The following INTS10 variants were observed in gnomAD, a reference collection of about 807,000 sequenced individuals.
INTS10 encodes the protein integrator complex subunit 10.
In INTS10, 44 loss-of-function variants were observed where a neutral mutation model predicts 94.4. That is an observed-to-expected ratio of 0.47 (90% CI 0.37 to 0.60). INTS10 has a LOEUF of 0.60. Ranked by LOEUF, INTS10 falls within the 20% of genes least tolerant of loss-of-function variation. The pLI, the probability that INTS10 is intolerant of heterozygous loss-of-function variation, is 0.00. For synonymous variants in INTS10, 341 were observed against 320.7 expected (o/e 1.06, Z -0.68); for missense variants, 797 against 868.7 (o/e 0.92, Z 1.04).
At chr8:19,827,837 C>T (rs2066922037) in intron 9 of INTS10, among the ~76,000 whole-genome samples, 1 of 152,108 alleles carries the variant, frequency 6.6e-6, no homozygotes, top group African/African-American at 2.4e-5. Context: ...AGGTCCAGAC[C>T]TTAAAGGCCC....
At chr8:19,829,706 T>C (rs1256202947) in intron 9 of INTS10, among the ~76,000 whole-genome samples, 2 of 152,214 alleles carry the variant, frequency 1.3e-5, no homozygotes, top group African/African-American at 4.8e-5. Context: ...TCTTGCTCTG[T>C]CGCCCAGGCT....
chr8:19,844,884 A>G (rs1355967678), intron 15 of INTS10, among the ~76,000 whole-genome samples: 3 of 152,120 alleles, frequency 2.0e-5, no homozygotes, highest in Non-Finnish European at 4.4e-5. Context: ...TGCTCAGAGC[A>G]ATAGTTTTTA....
chr8:19,827,170 G>A (rs1020651648), intron 9 of INTS10, among the ~76,000 whole-genome samples: 7 of 152,140 alleles, frequency 4.6e-5, no homozygotes, highest in Admixed American at 3.3e-4. Context: ...GTGAAGAATC[G>A]TCAGTCCTCT....
chr8:19,822,474 T>C lies in INTS10; in HGVS notation c.477T>C (p.Thr159=). The C allele has an allele frequency of 6.2e-7, 1 of 1,612,538 alleles. No individual in the cohort carries two copies. Among genetic ancestry groups the C allele is most frequent in the Non-Finnish European group, 8.5e-7 (1 of 1,178,646 alleles). The change falls in exon 5 of 17, where the codon ACT becomes ACC. Residue 159 remains threonine, a synonymous_variant. Coordinates refer to ENST00000397977, the MANE Select transcript of INTS10 (RefSeq NM_018142.4). ...GLGEALLEAE[T]IEEQESPVNC... is the part of the protein sequence containing the mutation. Reference sequence around the variant, plus strand: ...GGGAGGCACTATTAGAGGCTGAAACTATTGAAGAACAAGAATCTCCAGTGA... The same window carrying C: ...GGGAGGCACTATTAGAGGCTGAAACCATTGAAGAACAAGAATCTCCAGTGA...
At position 19,817,462 on chromosome 8, in the gene INTS10, G is replaced by GGCGGT; in HGVS notation, c.-74_-73insGGTGC. On this transcript the variant is annotated 5_prime_UTR_variant, in exon 1 of 17. An upstream open reading frame in the 5' UTR loses its in-frame stop. Coordinates refer to ENST00000397977, the MANE Select transcript of INTS10 (RefSeq NM_018142.4). The stretch of plus-strand genomic sequence containing the variant: ...CCGCGGTGGCGGCGGCGGCGGCGGT[G>GGCGGT]GCTGCCGTGGCGGCTGAGAGTCCAG... The GGCGGT allele has an allele frequency of 6.5e-7, 1 of 1,539,492 alleles. No individual in the cohort carries two copies. Among genetic ancestry groups the GGCGGT allele is most frequent in the Non-Finnish European group, 8.7e-7 (1 of 1,146,720 alleles).
intron 13 of INTS10, among the ~76,000 whole-genome samples, chr8:19,840,100 G>A (rs558890141): frequency 2.1e-5 from 3 of 142,828 alleles, no homozygotes; most frequent in South Asian, 2.2e-4. Flanking sequence ...ATTCCAAGAC[G>A]TTTTAGTGTA....
In INTS10 at chr8:19,833,221, G is replaced by A; in HGVS notation, c.1430G>A (p.Gly477Glu). 6.2e-7 allele frequency: 1 copy of A among 1,612,770 alleles called. No individual in the cohort carries two copies. The highest frequency in any genetic ancestry group is 1.1e-5 in the South Asian group (1 of 90,964). The stretch of plus-strand genomic sequence containing the variant: ...CTGCATCACTTAGCAGCTCTCCAGG[G>A]ATCCATTTCTCAGCCACAGATCACA... ...ASLHHLAALQ[G>E]SISQPQITGQ... Residue 477 changes from glycine to glutamate, a missense_variant, in exon 12 of 17, where the codon GGA (glycine) becomes GAA (glutamate). Gly to Glu is a moderately conservative substitution (Grantham distance 98, BLOSUM62 -2). Around this residue, in one of 3 missense-constraint regions of INTS10, gnomAD observed 734 missense variants for 787.8 expected, o/e 0.93. Coordinates refer to ENST00000397977, the MANE Select transcript of INTS10 (RefSeq NM_018142.4).
At chr8:19,844,538 G>T (rs1436914174) in intron 15 of INTS10, among the ~76,000 whole-genome samples, 1 of 152,176 alleles carries the variant, frequency 6.6e-6, no homozygotes, top group Admixed American at 6.5e-5. Context: ...GGTCCAGCTT[G>T]CCCGGTTTAG....
intron 13 of INTS10, among the ~76,000 whole-genome samples, chr8:19,839,985 T>A (rs1392403062): frequency 7.0e-6 from 1 of 141,860 alleles, no homozygotes; most frequent in Non-Finnish European, 1.5e-5. Context: ...ATCACTTGAA[T>A]CTGGGAGGTG....
Position 19,817,574 on chromosome 8 carries a change from C to G in INTS10, c.37C>G (p.Arg13Gly). 1 of 1,608,752 alleles carries G rather than the reference C, an allele frequency of 6.2e-7. No homozygotes were observed. The highest frequency in any genetic ancestry group is 8.5e-7 in the Non-Finnish European group (1 of 1,178,286). Reference sequence around the variant, plus strand: ...GGGGGACTGCGAGTTCCTGGTGCAGCGAGCCCGGGAGTTGGTGCCGCAAGA... The same window carrying G: ...GGGGGACTGCGAGTTCCTGGTGCAGGGAGCCCGGGAGTTGGTGCCGCAAGA... ...AQGDCEFLVQ[R>G]ARELVPQDLW... Residue 13 changes from arginine (R) to glycine (G), a missense_variant, in exon 1 of 17, where the codon CGA becomes GGA. Physicochemically the swap from Arg to Gly is moderately radical, Grantham distance 125. This residue lies in a region of INTS10 where 734 missense variants were observed against 787.8 expected (regional missense o/e 0.93). Coordinates refer to ENST00000397977, the MANE Select transcript of INTS10 (RefSeq NM_018142.4).
rs549241946 is a variant in INTS10 at position 19,844,225 on chromosome 8, C to T, written c.1869C>T (p.Phe623=). The T allele has an allele frequency of 3.5e-5, 57 of 1,608,288 alleles. No homozygotes were observed. The East Asian group carries it at 1.2e-3, about 33-fold the overall frequency. Residue 623 remains phenylalanine (F), a synonymous_variant, in exon 15 of 17, where the codon TTC becomes TTT. Coordinates refer to ENST00000397977, the MANE Select transcript of INTS10 (RefSeq NM_018142.4). The part of the protein sequence containing the change: ...QQGNFQYENF[F]NYVTNIDMLE... The stretch of plus-strand genomic sequence containing the variant: ...GAAATTTCCAATATGAGAATTTTTT[C>T]AATTACGTTACAAGTATCCTTTTTT...
At chr8:19,847,199 A>G (rs923448335) in intron 16 of INTS10, among the ~76,000 whole-genome samples, 1 of 152,224 alleles carries the variant, frequency 6.6e-6, no homozygotes. Flanking sequence ...CCTTCATCTT[A>G]TAAGTGTTAT....
rs1212265077 is a variant in INTS10, at chr8:19,832,033, A to G, written c.1300A>G (p.Thr434Ala). The G allele has an allele frequency of 6.3e-7, 1 of 1,593,620 alleles. No individual in the cohort carries two copies. Among genetic ancestry groups the G allele is most frequent in the African/African-American group, 1.3e-5 (1 of 74,654 alleles). The change falls in exon 11 of 17, where the codon ACA (threonine) becomes GCA (alanine). Residue 434 changes from threonine to alanine, a missense_variant. Around this residue, in one of 3 missense-constraint regions of INTS10, gnomAD observed 734 missense variants for 787.8 expected, o/e 0.93. Transcript: ENST00000397977. ...YSLEFLDKEF[T>A]RICLAWKTDT... ...GTTCTTGAATTCTTACTCAGAATTT[A>G]CAAGGATTTGCTTGGCCTGGAAGAC... is the stretch of plus-strand genomic sequence containing the variant.
At position 19,851,017 on chromosome 8, in the gene INTS10, C is replaced by T. The variant is rs1462311136; in HGVS notation, c.1977-632C>T. Among the ~76,000 whole-genome samples the T allele has an allele frequency of 1.3e-5, 2 of 152,188 alleles. No individual in the cohort carries two copies. The highest frequency in any genetic ancestry group is 2.9e-5 in the Non-Finnish European group (2 of 68,038). On this transcript the variant is annotated intron_variant, in intron 16 of 16. Coordinates refer to ENST00000397977, the MANE Select transcript of INTS10 (RefSeq NM_018142.4). The surrounding 1 kb of genome is among the most constrained non-coding windows in gnomAD (Gnocchi z 5.0). Reference sequence around the variant, plus strand: ...TCTCTCTCCTGACCTGTGCCACATTCTTGTGTCAGGACCCCACCTCCCGCT... The same window carrying T: ...TCTCTCTCCTGACCTGTGCCACATTTTTGTGTCAGGACCCCACCTCCCGCT...
chr8:19,822,455 C>T lies in INTS10; in HGVS notation c.458C>T (p.Ala153Val). The change falls in exon 5 of 17, where the codon GCA (alanine) becomes GTA (valine). Residue 153 changes from alanine (A) to valine (V), a missense_variant. Around this residue, in one of 3 missense-constraint regions of INTS10, gnomAD observed 734 missense variants for 787.8 expected, o/e 0.93. Coordinates refer to ENST00000397977, the MANE Select transcript of INTS10 (RefSeq NM_018142.4). The part of the protein sequence containing the change: ...VVQHGVGLGE[A>V]LLEAETIEEQ... ...TTGAAATAGGTTGGCCTTGGGGAGG[C>T]ACTATTAGAGGCTGAAACTATTGAA... The T allele has an allele frequency of 1.2e-6, 2 of 1,609,158 alleles. No individual in the cohort carries two copies. The highest frequency in any genetic ancestry group is 1.7e-6 in the Non-Finnish European group (2 of 1,175,876).
chr8:19,819,776 T>C (rs2066224801), intron 3 of INTS10, 100 bp downstream of exon 3: 1 of 837,200 alleles, frequency 1.2e-6, no homozygotes, highest in Non-Finnish European at 1.9e-6. Context: ...GGTAACCATA[T>C]GTATGTTTTA....
chr8:19,831,122 C>G (rs1047084785), intron 10 of INTS10, among the ~76,000 whole-genome samples: 2 of 152,172 alleles, frequency 1.3e-5, no homozygotes, highest in African/African-American at 2.4e-5. Flanking sequence ...TCTTACTACA[C>G]TTTGGAATCG....
chr8:19,826,157 G>A (rs2410614), intron 8 of INTS10, among the ~76,000 whole-genome samples: 107,479 of 151,900 alleles, frequency 0.71, 38,113 homozygotes, highest in Non-Finnish European at 0.74. Flanking sequence ...TCGGCTCACT[G>A]CAACCTCCGC....
chr8:19,849,990 GCATATGC>G lies in INTS10; in HGVS notation c.1977-1657_1977-1651del, dbSNP rs1275307890. On this transcript the variant is annotated intron_variant, in intron 16 of 16. Transcript: ENST00000397977. The surrounding 1 kb of genome is among the most constrained non-coding windows in gnomAD (Gnocchi z 4.6). ...CAGGGTTTATTAGCCAGGCCTGGTG[GCATATGC>G]CTGTAATCCCAGCTACTCGGGAGGC... is the stretch of plus-strand genomic sequence containing the variant. 1.3e-5 allele frequency among the ~76,000 whole-genome samples: 2 copies of G among 152,016 alleles called. No homozygotes were observed. Among genetic ancestry groups the G allele is most frequent in the Non-Finnish European group, 2.9e-5 (2 of 67,996 alleles).
Sources: gnomAD v4.1 joint callset for allele counts (sites outside exome capture counted in the v4.1 genomes callset) on GRCh38, gnomAD v4.1.1 for gene constraint, gnomAD v4.1.1 regional missense constraint, Gnocchi (gnomAD v3.1) non-coding constraint, MANE v1.5 for transcripts, NCBI Gene and HGNC (gene_info 2026-07-23, HGNC 2026-07-21) for gene names.